Variants in NECTIN2 observed in about 807,000 individuals in gnomAD.
NECTIN2 encodes nectin-2.
In NECTIN2, 23 loss-of-function variants were observed where a neutral mutation model predicts 56.9. The observed-to-expected ratio is 0.40, with a 90% CI of 0.29 to 0.57. NECTIN2 has a LOEUF of 0.57. Ranked by LOEUF, NECTIN2 falls within the 20% of genes least tolerant of loss-of-function variation. The probability of loss-of-function intolerance (pLI) is 0.38; values close to 1 mark genes in which losing one functional copy is unlikely to be tolerated. For missense variants in NECTIN2, 587 were observed against 718.3 expected (o/e 0.82, Z 2.09); for synonymous variants, 302 against 313.8 (o/e 0.96, Z 0.40).
At position 44,881,933 on chromosome 19, in the gene NECTIN2, G is replaced by A. The variant is rs75005796; in HGVS notation, c.1043-278G>A. 621 of 297,238 alleles carry A rather than the reference G, an allele frequency of 2.1e-3. 3 individuals are homozygous for A. Among genetic ancestry groups the A allele is most frequent in the African/African-American group, 0.013 (581 of 46,276 alleles). The allele number at this position is 297,238 out of a possible 1,614,324, so 18.4% of individuals were successfully genotyped here. On this transcript the variant is annotated intron_variant, in intron 5 of 8. Coordinates refer to ENST00000252483, the MANE Select transcript of NECTIN2 (RefSeq NM_001042724.2). ...ACTCCCATCTGGCATGTGAGCTATT[G>A]TACTGGTTTGCTTACTGTTGTTCTC...
At chr19:44,862,302 C>T (rs982290855) in intron 1 of NECTIN2, among the ~76,000 whole-genome samples, 1 of 151,246 alleles carries the variant, frequency 6.6e-6, no homozygotes, top group Non-Finnish European at 1.5e-5. Flanking sequence ...GTAGTCCCAG[C>T]TACTCGGGAG....
chr19:44,846,972 G>C (rs959709105), intron 1 of NECTIN2, among the ~76,000 whole-genome samples: 3 of 151,994 alleles, frequency 2.0e-5, no homozygotes, highest in Admixed American at 2.0e-4. Flanking sequence ...AGTTCACCCG[G>C]ATCTGGGTCT....
In NECTIN2 at chr19:44,871,914, G is replaced by A; in HGVS notation, c.540G>A (p.Val180=). The A allele has an allele frequency of 1.2e-6, 2 of 1,614,144 alleles. No individual in the cohort carries two copies. The highest frequency in any genetic ancestry group is 1.1e-5 in the South Asian group (1 of 91,082). Residue 180 remains valine (V), a synonymous_variant, in exon 3 of 9, where the codon GTG becomes GTA. Transcript: ENST00000252483. ...CGTTCAGCCAGGACCCTACGACAGT[G>A]GCCCTCTGCATCTCCAAAGAGGGCC... ...KVTFSQDPTT[V]ALCISKEGRP...
chr19:44,878,872 G>A (rs1969276010), intron 5 of NECTIN2: 1 of 1,298,678 alleles, frequency 7.7e-7, no homozygotes, highest in Admixed American at 3.6e-5. Flanking sequence ...CAGAGACTTG[G>A]TTTTGGCTCC....
chr19:44,862,308 G>A (rs536764847), intron 1 of NECTIN2, among the ~76,000 whole-genome samples: 37 of 151,994 alleles, frequency 2.4e-4, no homozygotes, highest in South Asian at 4.2e-4. Context: ...CCAGCTACTC[G>A]GGAGGCTGAG....
chr19:44,883,384 C>T (rs926273285), intron 6 of NECTIN2, among the ~76,000 whole-genome samples: 2 of 152,194 alleles, frequency 1.3e-5, no homozygotes, highest in Admixed American at 6.5e-5. Flanking sequence ...AAGCGATTCT[C>T]CAGCCTCAGC....
chr19:44,857,223 A>G (rs1347055577), intron 1 of NECTIN2, among the ~76,000 whole-genome samples: 1 of 147,172 alleles, frequency 6.8e-6, no homozygotes, highest in African/African-American at 2.5e-5. Context: ...ACTAGCTGTG[A>G]TTACAAGTGG....
At chr19:44,872,369 T>C (rs150165165) in intron 3 of NECTIN2, among the ~76,000 whole-genome samples, 255 of 152,236 alleles carry the variant, frequency 1.7e-3, no homozygotes, top group African/African-American at 5.6e-3. Context: ...ATGCTGTGCC[T>C]AGTCTGTGGT....
Position 44,868,695 on chromosome 19 carries a change from C to T in NECTIN2, c.478+3035C>T, listed in dbSNP as rs1310731021. Among the ~76,000 whole-genome samples, 4 of 151,572 alleles carry T rather than the reference C, an allele frequency of 2.6e-5. No homozygotes were observed. In the South Asian group the frequency reaches 6.3e-4, roughly 24 times the overall value. On this transcript the variant is annotated intron_variant, in intron 2 of 8. Transcript: ENST00000252483. ...TTGGGAGGCCGAGGCGGGCGGATCACGAGGTCAGGAAATCGAGACCATCCT... is the reference window on the plus strand; with the variant it reads ...TTGGGAGGCCGAGGCGGGCGGATCATGAGGTCAGGAAATCGAGACCATCCT...
intron 1 of NECTIN2, among the ~76,000 whole-genome samples, chr19:44,857,131 A>C (rs1206301102): frequency 1.3e-5 from 2 of 152,172 alleles, no homozygotes; most frequent in African/African-American, 4.8e-5. Flanking sequence ...AAATAGGATT[A>C]AGTATAGAGT....
rs180987162 is a variant in NECTIN2, at chr19:44,848,258, C to T, written c.88+1645C>T. On this transcript the variant is annotated intron_variant, in intron 1 of 8. Coordinates refer to ENST00000252483, the MANE Select transcript of NECTIN2 (RefSeq NM_001042724.2). The stretch of plus-strand genomic sequence containing the variant: ...TTCTCCGAACCCACCAGACCCTGAG[C>T]CTACTGTTAGCTTGGTGCATGATCT... Among the ~76,000 whole-genome samples, 44 of 152,258 alleles carry T rather than the reference C, an allele frequency of 2.9e-4. 1 individual carries two copies. The highest frequency in any genetic ancestry group is 9.6e-4 in the African/African-American group (40 of 41,570).
intron 1 of NECTIN2, among the ~76,000 whole-genome samples, chr19:44,848,745 T>A (rs946674675): frequency 6.6e-6 from 1 of 151,574 alleles, no homozygotes; most frequent in African/African-American, 2.4e-5. Context: ...TCTCTTCGTT[T>A]CTCACCCTTT....
intron 5 of NECTIN2, among the ~76,000 whole-genome samples, chr19:44,877,794 G>A (rs557189845): frequency 6.6e-6 from 1 of 152,318 alleles, no homozygotes; most frequent in South Asian, 2.1e-4. Context: ...CAGATCTATT[G>A]CATCCAAATA....
Position 44,888,177 on chromosome 19 carries a change from C to T in NECTIN2, c.1415C>T (p.Thr472Ile), listed in dbSNP as rs368065414. 1.1e-4 allele frequency: 177 copies of T among 1,614,044 alleles called. No individual in the cohort carries two copies. The African/African-American group carries it at 2.2e-3, about 20-fold the overall frequency. ...TCAGGACCCTTGCACCCTGGAGCCA[C>T]AAGCCTGGGGTCCCCCATCCCGGTG... ...ERSGPLHPGATSLGSPIPVPP... is the reference protein window; with the variant it reads ...ERSGPLHPGAISLGSPIPVPP... Residue 472 changes from threonine to isoleucine, a missense_variant, in exon 9 of 9, where the codon ACA becomes ATA. Physicochemically the swap from Thr to Ile is moderately conservative, Grantham distance 89. Coordinates refer to ENST00000252483, the MANE Select transcript of NECTIN2 (RefSeq NM_001042724.2).
chr19:44,872,889 A>G (rs1969193984), intron 3 of NECTIN2, among the ~76,000 whole-genome samples: 1 of 147,602 alleles, frequency 6.8e-6, no homozygotes. Context: ...GTCATTATTT[A>G]TTATTGTTAT....
intron 1 of NECTIN2, among the ~76,000 whole-genome samples, chr19:44,864,285 T>G (rs1969070034): frequency 6.6e-6 from 1 of 151,970 alleles, no homozygotes. Context: ...CACTGCACTC[T>G]AGCCTGGGTG....
chr19:44,852,557 C>T (rs1968912821), intron 1 of NECTIN2, among the ~76,000 whole-genome samples: 1 of 148,694 alleles, frequency 6.7e-6, no homozygotes, highest in African/African-American at 2.5e-5. Flanking sequence ...AAGACTTGGG[C>T]TTGTTTCCTG....
At chr19:44,869,592 CAA>C (rs774822564) in intron 2 of NECTIN2, among the ~76,000 whole-genome samples, 5 of 53,770 alleles carry the variant, frequency 9.3e-5, no homozygotes, top group Non-Finnish European at 1.0e-4. Flanking sequence ...GACTCCATCT[CAA>C]AAAAAAAAAA....
intron 8 of NECTIN2, among the ~76,000 whole-genome samples, chr19:44,887,542 G>A (rs1485923547): frequency 6.6e-6 from 1 of 152,146 alleles, no homozygotes; most frequent in East Asian, 1.9e-4. Flanking sequence ...CTACTTGGGA[G>A]GCTGAGGCAG....
Sources: gnomAD v4.1 joint callset for allele counts (sites outside exome capture counted in the v4.1 genomes callset) on GRCh38, gnomAD v4.1.1 for gene constraint, MANE v1.5 for transcripts, NCBI Gene and HGNC (gene_info 2026-07-23, HGNC 2026-07-21) for gene names.